The following ADCY3 variants were observed in gnomAD, a reference collection of about 807,000 sequenced individuals.
The protein encoded by ADCY3 is adenylate cyclase 3.
ADCY3 carries 70 observed loss-of-function variants against 119.4 expected under a neutral mutation model. The ratio of observed to expected loss-of-function variants is 0.59; its 90% CI spans 0.48 to 0.72. The LOEUF (loss-of-function observed/expected upper bound fraction) is 0.72. Ranked by LOEUF, ADCY3 falls within the 30% of genes least tolerant of loss-of-function variation. The probability of loss-of-function intolerance (pLI) is 0.00; values close to 1 mark genes in which losing one functional copy is unlikely to be tolerated. For synonymous variants in ADCY3, 672 were observed against 621.4 expected, an observed-to-expected ratio of 1.08 and a Z score of -1.21; for missense variants, 1,238 against 1,541.6, an observed-to-expected ratio of 0.80 and a Z score of 3.30.
At chr2:24,893,023 CTA>C (rs1466819113) in intron 2 of ADCY3, among the ~76,000 whole-genome samples, 1 of 145,662 alleles carries the variant, frequency 6.9e-6, no homozygotes, top group Non-Finnish European at 1.5e-5. Context: ...TACTTTTAAT[CTA>C]TGTGTCTTTT....
intron 2 of ADCY3, among the ~76,000 whole-genome samples, chr2:24,896,048 G>A (rs1363649488): frequency 6.6e-6 from 1 of 152,062 alleles, no homozygotes; most frequent in East Asian, 1.9e-4. Context: ...CCATCATCCT[G>A]ATGTGTTCAT....
At chr2:24,846,915 G>A (rs866756721) in intron 3 of ADCY3, among the ~76,000 whole-genome samples, 2 of 152,188 alleles carry the variant, frequency 1.3e-5, no homozygotes, top group Non-Finnish European at 2.9e-5. Context: ...AGGCAGAAGG[G>A]ATTTGTCTCA....
rs753666405 is a variant in ADCY3 at position 24,842,553 on chromosome 2, A to T, written c.826-169T>A. 2.4e-6 allele frequency: 2 copies of T among 843,416 alleles called. No individual in the cohort carries two copies. Among genetic ancestry groups the T allele is most frequent in the African/African-American group, 1.7e-5 (1 of 58,542 alleles). The allele number at this position is 843,416 out of a possible 1,614,324, so 52.2% of individuals were successfully genotyped here. On this transcript the variant is annotated intron_variant, in intron 3 of 21. Coordinates refer to ENST00000679454, the MANE Select transcript of ADCY3 (RefSeq NM_004036.5). The surrounding 1 kb of genome is among the most constrained non-coding windows in gnomAD (Gnocchi z 4.9). The stretch of plus-strand genomic sequence containing the variant: ...CCTCGGGAGCAGCCAGGGGTCTGGG[A>T]CAGGCAGCTTCTGGCCCTGACAAGG...
At chr2:24,829,624 G>A (rs951671116) in intron 13 of ADCY3, among the ~76,000 whole-genome samples, 1 of 150,464 alleles carries the variant, frequency 6.6e-6, no homozygotes, top group Non-Finnish European at 1.5e-5. Flanking sequence ...GGTTTCAACT[G>A]TGTTAGCCAG....
rs531263882 is a variant in ADCY3, at chr2:24,842,755, G to T, written c.826-371C>A. Among the ~76,000 whole-genome samples, 3 of 152,216 alleles carry T rather than the reference G, an allele frequency of 2.0e-5. No homozygotes were observed. Among genetic ancestry groups the T allele is most frequent in the African/African-American group, 7.2e-5 (3 of 41,456 alleles). On this transcript the variant is annotated intron_variant, in intron 3 of 21. Coordinates refer to ENST00000679454, the MANE Select transcript of ADCY3 (RefSeq NM_004036.5). The surrounding 1 kb of genome is among the most constrained non-coding windows in gnomAD (Gnocchi z 4.9). ...CCCTGCGGGGTCACCTCAGCCACCC[G>T]CCACGGCTGCACAGAGCCATCGCTC... is the stretch of plus-strand genomic sequence containing the variant.
intron 15 of ADCY3, chr2:24,826,373 T>G (rs1668619779): frequency 2.1e-6 from 1 of 474,554 alleles, no homozygotes; most frequent in Non-Finnish European, 3.8e-6. Flanking sequence ...ACATCAGGGC[T>G]GCTCCCCAGG....
chr2:24,850,900 C>T (rs992439773), intron 3 of ADCY3, among the ~76,000 whole-genome samples: 10 of 152,050 alleles, frequency 6.6e-5, no homozygotes, highest in South Asian at 2.1e-4. Context: ...GTGAAGCTGA[C>T]GCTGGGATCT....
At chr2:24,823,001 G>A (rs1180330617) in intron 18 of ADCY3, among the ~76,000 whole-genome samples, 1 of 152,190 alleles carries the variant, frequency 6.6e-6, no homozygotes, top group African/African-American at 2.4e-5. Flanking sequence ...TCCTTATCCT[G>A]TGACCCTGTG....
chr2:24,850,996 A>G (rs1300816783), intron 3 of ADCY3, among the ~76,000 whole-genome samples: 1 of 152,218 alleles, frequency 6.6e-6, no homozygotes, highest in Non-Finnish European at 1.5e-5. Flanking sequence ...GGAAAACCTG[A>G]AACGTTTTTC....
intron 3 of ADCY3, among the ~76,000 whole-genome samples, chr2:24,867,277 G>C (rs1286692480): frequency 6.6e-6 from 1 of 152,212 alleles, no homozygotes; most frequent in Non-Finnish European, 1.5e-5. Context: ...TAAAGGGCTA[G>C]AAGTAAAAAA....
chr2:24,911,445 G>A (rs1042320561), intron 2 of ADCY3, among the ~76,000 whole-genome samples: 12 of 151,162 alleles, frequency 7.9e-5, no homozygotes, highest in African/African-American at 2.9e-4. Context: ...TCAGGAGTTC[G>A]AGACCAGCCT....
At chr2:24,828,215 G>A in intron 13 of ADCY3, 54 bp from the exon 14 acceptor site, 2 of 1,596,420 alleles carry the variant, frequency 1.3e-6, no homozygotes, top group South Asian at 1.1e-5. Flanking sequence ...AGCAGGTGCT[G>A]GTCACAGAGG....
intron 9 of ADCY3, 51 bp downstream of exon 9, chr2:24,836,866 C>G: frequency 1.3e-6 from 2 of 1,556,604 alleles, no homozygotes; most frequent in East Asian, 2.3e-5. Context: ...CTTCCTGGTG[C>G]CTGCCCGCAT....
Position 24,918,437 on chromosome 2 carries a change from G to C in ADCY3, c.551C>G (p.Pro184Arg). 1 of 1,614,010 alleles carries C rather than the reference G, an allele frequency of 6.2e-7. No homozygotes were observed. The highest frequency in any genetic ancestry group is 8.5e-7 in the Non-Finnish European group (1 of 1,180,036). Residue 184 changes from proline (P) to arginine (R), a missense_variant, in exon 2 of 22, where the codon CCC (proline) becomes CGC (arginine). By Grantham distance (103) the Pro-to-Arg change is moderately radical. Coordinates refer to ENST00000679454, the MANE Select transcript of ADCY3 (RefSeq NM_004036.5). This position sits in a 1 kb window ranked among gnomAD's most constrained non-coding sequence, Gnocchi z 5.4. ...FFVFSFFITL[P>R]LSLSPIVIIS... ...GATCACGATGGGGCTGAGGCTGAGG[G>C]GCAGCGTGATGAAGAAGGAGAAGAC...
chr2:24,896,709 G>A (rs1265507793), intron 2 of ADCY3, among the ~76,000 whole-genome samples: 2 of 152,026 alleles, frequency 1.3e-5, no homozygotes, highest in African/African-American at 4.8e-5. Context: ...GATATTCACC[G>A]AGATTCCAGG....
chr2:24,821,899 T>C, intron 19 of ADCY3: 1 of 428,432 alleles, frequency 2.3e-6, no homozygotes, highest in Non-Finnish European at 4.2e-6. Context: ...GGCGGACCCC[T>C]TCACCTTGGC....
chr2:24,839,409 A>G (rs1431602100), intron 7 of ADCY3, among the ~76,000 whole-genome samples: 2 of 152,224 alleles, frequency 1.3e-5, no homozygotes, highest in African/African-American at 2.4e-5. Context: ...TCGCCCTGCT[A>G]AAGGCAGGGC....
chr2:24,841,156 C>A lies in ADCY3; in HGVS notation c.1196+103G>T. On this transcript the variant is annotated intron_variant, in intron 6 of 21. Transcript: ENST00000679454. The surrounding 1 kb of genome is among the most constrained non-coding windows in gnomAD (Gnocchi z 5.8). ...TCCCAGTCTCTGCTTCCAGCAGATC[C>A]CCCACCCAGGGGCCATGGCCAGCGC... 2 of 1,316,140 alleles carry A rather than the reference C, an allele frequency of 1.5e-6. No individual in the cohort carries two copies. Among genetic ancestry groups the A allele is most frequent in the South Asian group, 1.5e-5 (1 of 65,948 alleles). The allele number at this position is 1,316,140 out of a possible 1,614,324, so 81.5% of individuals were successfully genotyped here. A position where few individuals can be genotyped will look rare whatever the true frequency, so the allele number is the denominator to read the frequency against.
In ADCY3 at chr2:24,841,168, G is replaced by C. The variant is rs77271048; in HGVS notation, c.1196+91C>G. 0.028 allele frequency: 38,173 copies of C among 1,384,146 alleles called. 868 individuals carry two copies. The highest frequency in any genetic ancestry group is 0.08 in the South Asian group (5,582 of 69,932). The allele number at this position is 1,384,146 out of a possible 1,614,324, so 85.7% of individuals were successfully genotyped here. ...CTTCCAGCAGATCCCCCACCCAGGG[G>C]CCATGGCCAGCGCGGAAGACCTGCT... On this transcript the variant is annotated intron_variant, in intron 6 of 21. Transcript: ENST00000679454. The surrounding 1 kb of genome is among the most constrained non-coding windows in gnomAD (Gnocchi z 5.8).
Sources: allele counts gnomAD v4.1 joint callset (sites outside exome capture counted in the v4.1 genomes callset), GRCh38; gene constraint gnomAD v4.1.1; non-coding constraint Gnocchi (gnomAD v3.1); transcripts MANE v1.5; gene names NCBI Gene and HGNC (gene_info 2026-07-23, HGNC 2026-07-21).